Variants in EYS observed in about 807,000 individuals in gnomAD.
EYS encodes the protein protein eyes shut homolog.
A neutral mutation model predicts 282.1 loss-of-function variants in EYS; 250 were observed. The observed-to-expected ratio is 0.89, with a 90% CI of 0.80 to 0.98. The LOEUF (loss-of-function observed/expected upper bound fraction) is 0.98, where lower values mean the gene tolerates loss of function less well. Ranked by LOEUF, EYS falls within the 50% of genes least tolerant of loss-of-function variation. EYS has a pLI of 0.00. For synonymous variants in EYS, 1,355 were observed against 1,282.9 expected (o/e 1.06, Z -1.20); for missense variants, 4,016 against 3,709.0 (o/e 1.08, Z -2.15).
chr6:65,024,382 T>G (rs906212912), intron 13 of EYS, among the ~76,000 whole-genome samples: 1 of 152,200 alleles, frequency 6.6e-6, no homozygotes, highest in Non-Finnish European at 1.5e-5. Context: ...TTAGTAGGTA[T>G]TGTAGTCATT....
chr6:64,568,724 A>T (rs975382029), intron 26 of EYS, among the ~76,000 whole-genome samples: 1 of 152,046 alleles, frequency 6.6e-6, no homozygotes. Flanking sequence ...CACCTCATAC[A>T]AGAGAGCTCC....
chr6:65,048,794 C>A (rs188118950), intron 13 of EYS, among the ~76,000 whole-genome samples: 60 of 151,866 alleles, frequency 4.0e-4, no homozygotes, highest in Middle Eastern at 3.4e-3. Context: ...ACATCATTTT[C>A]TTTTTTTCTT....
intron 31 of EYS, among the ~76,000 whole-genome samples, chr6:64,168,311 A>C (rs1169900213): frequency 6.6e-6 from 1 of 151,626 alleles, no homozygotes; most frequent in Non-Finnish European, 1.5e-5. Context: ...AATGGGTGAG[A>C]ATGTAGAGAA....
At position 64,426,305 on chromosome 6, in the gene EYS, A is replaced by G. The variant is rs916786215; in HGVS notation, c.5927+9869T>C. On this transcript the variant is annotated intron_variant, in intron 28 of 42. Coordinates refer to ENST00000503581, the MANE Select transcript of EYS (RefSeq NM_001142800.2). ...CTAACAACACTCTTTTTTATTTTTA[A>G]ATATTTATCAGTTTGAATGACAAAA... 2.6e-5 allele frequency among the ~76,000 whole-genome samples: 4 copies of G among 152,154 alleles called. No homozygotes were observed. The South Asian group carries it at 8.3e-4, about 32-fold the overall frequency.
chr6:64,324,670 T>G (rs901091745), intron 29 of EYS, among the ~76,000 whole-genome samples: 1 of 152,080 alleles, frequency 6.6e-6, no homozygotes, highest in Admixed American at 6.6e-5. Context: ...GGAAAATAAG[T>G]CAAACGATCT....
intron 31 of EYS, among the ~76,000 whole-genome samples, chr6:64,097,901 G>A (rs370097283): frequency 6.6e-5 from 10 of 152,290 alleles, no homozygotes; most frequent in East Asian, 3.9e-4. Context: ...GGCAAAAAAT[G>A]TTTATAAAAA....
chr6:64,724,184 C>T (rs927822123), intron 22 of EYS, among the ~76,000 whole-genome samples: 2 of 151,950 alleles, frequency 1.3e-5, no homozygotes, highest in Admixed American at 6.6e-5. Flanking sequence ...TAGGTAAAGT[C>T]GGTTATACAC....
chr6:64,612,764 A>T (rs980262421), intron 24 of EYS, among the ~76,000 whole-genome samples: 5 of 152,144 alleles, frequency 3.3e-5, no homozygotes, highest in African/African-American at 4.8e-5. Flanking sequence ...TTAAACAAGA[A>T]TAACTGTAGT....
chr6:65,397,853 A>C (rs1766345807), intron 7 of EYS, among the ~76,000 whole-genome samples: 1 of 151,984 alleles, frequency 6.6e-6, no homozygotes, highest in African/African-American at 2.4e-5. Context: ...ATAGAGATGT[A>C]CTAATTTATT....
At chr6:64,340,713 A>G (rs1033145748) in intron 29 of EYS, among the ~76,000 whole-genome samples, 4 of 151,866 alleles carry the variant, frequency 2.6e-5, no homozygotes, top group Non-Finnish European at 5.9e-5. Context: ...CCAAAAACTG[A>G]TAAGTGAGGC....
At chr6:65,445,641 A>T (rs1768625026) in intron 5 of EYS, among the ~76,000 whole-genome samples, 1 of 151,800 alleles carries the variant, frequency 6.6e-6, no homozygotes, top group Admixed American at 6.6e-5. Flanking sequence ...TTGGTTAATA[A>T]GATGTGTACT....
At chr6:64,514,229 A>G (rs1890082) in intron 26 of EYS, among the ~76,000 whole-genome samples, 45,577 of 151,530 alleles carry the variant, frequency 0.3, 6,896 homozygotes, top group East Asian at 0.47. Flanking sequence ...TACCTCAGGT[A>G]AAGGTTAATT....
chr6:65,543,518 T>C (rs1250173673), intron 2 of EYS, among the ~76,000 whole-genome samples: 1 of 149,912 alleles, frequency 6.7e-6, no homozygotes, highest in Non-Finnish European at 1.5e-5. Context: ...ATAGTCCCAA[T>C]AGTTTTACCA....
At chr6:64,221,566 A>G (rs1766103778) in intron 31 of EYS, among the ~76,000 whole-genome samples, 1 of 152,138 alleles carries the variant, frequency 6.6e-6, no homozygotes, top group Admixed American at 6.6e-5. Context: ...AAAATGGGCT[A>G]AGACAATCTG....
rs530013467 is a variant in EYS, at chr6:64,522,801, T to C, written c.5644+67422A>G. ...GCACAATTTGTAAATAAAACAGATG[T>C]CAAAGGAAAGTACAAAATATCATTA... On this transcript the variant is annotated intron_variant, in intron 26 of 42. Coordinates refer to ENST00000503581, the MANE Select transcript of EYS (RefSeq NM_001142800.2). 1.4e-4 allele frequency among the ~76,000 whole-genome samples: 22 copies of C among 151,834 alleles called. No individual in the cohort carries two copies. In the South Asian group the frequency reaches 4.6e-3, roughly 31 times the overall value.
In EYS at chr6:65,617,125, C is replaced by G. The variant is rs926954705; in HGVS notation, c.-333+22653G>C. 1.3e-4 allele frequency among the ~76,000 whole-genome samples: 20 copies of G among 151,996 alleles called. 1 individual carries two copies. The highest frequency in any genetic ancestry group is 2.9e-4 in the Non-Finnish European group (20 of 67,992). ...AGGTGATTTTAAATAATTTAATGTG[C>G]TTGTTTCTGCAGATATTCATTAAAC... On this transcript the variant is annotated intron_variant, in intron 2 of 42. Coordinates refer to ENST00000503581, the MANE Select transcript of EYS (RefSeq NM_001142800.2).
intron 35 of EYS, among the ~76,000 whole-genome samples, chr6:63,952,983 A>G (rs984129240): frequency 2.6e-5 from 4 of 152,156 alleles, no homozygotes; most frequent in Non-Finnish European, 5.9e-5. Flanking sequence ...ACCTGTCCAA[A>G]AACTGGACAA....
intron 8 of EYS, among the ~76,000 whole-genome samples, chr6:65,368,229 A>C (rs1302195742): frequency 6.6e-6 from 1 of 151,492 alleles, no homozygotes; most frequent in Non-Finnish European, 1.5e-5. Flanking sequence ...CCCATAACAC[A>C]TGGGGATTAT....
intron 1 of EYS, among the ~76,000 whole-genome samples, chr6:65,661,356 G>C (rs1164102618): frequency 6.6e-6 from 1 of 151,904 alleles, no homozygotes; most frequent in Non-Finnish European, 1.5e-5. Flanking sequence ...CTTCCATGTA[G>C]TGACCATTAT....
Sources: gnomAD v4.1 joint callset for allele counts (sites outside exome capture counted in the v4.1 genomes callset) on GRCh38, gnomAD v4.1.1 for gene constraint, MANE v1.5 for transcripts, NCBI Gene and HGNC (gene_info 2026-07-23, HGNC 2026-07-21) for gene names.